BTG3: variants seen among roughly 807,000 people sequenced by gnomAD.
BTG3 encodes the protein protein BTG3.
BTG3 carries 4 observed loss-of-function variants against 25.8 expected under a neutral mutation model. That is an observed-to-expected ratio of 0.16 (90% CI 0.08 to 0.36). The LOEUF (loss-of-function observed/expected upper bound fraction) is 0.36. BTG3 is among the 10% of genes least tolerant of loss of function. The pLI is 1.00. For missense variants in BTG3, 201 were observed against 304.9 expected (o/e 0.66, Z 2.54); for synonymous variants, 107 against 99.9 (o/e 1.07, Z -0.42).
intron 2 of BTG3, 138 bp from the exon 3 acceptor site, chr21:17,605,135 A>G: frequency 1.0e-6 from 1 of 955,966 alleles, no homozygotes; most frequent in South Asian, 1.9e-5. Flanking sequence ...GAGCATATCT[A>G]TCCTAAACAG....
At chr21:17,612,365 A>C (rs2061742236) in intron 1 of BTG3, 1 of 152,240 alleles carries the variant, frequency 6.6e-6, no homozygotes, top group South Asian at 2.1e-4. Flanking sequence ...AAGGGGGTGG[A>C]CAGAGGGTGG....
intron 4 of BTG3, among the ~76,000 whole-genome samples, chr21:17,596,131 C>CAT (rs1356539587): frequency 6.6e-6 from 1 of 151,970 alleles, no homozygotes; most frequent in Admixed American, 6.6e-5. Flanking sequence ...TTCATTGAAT[C>CAT]ATTTACCTTT....
chr21:17,604,454 A>AG (rs1197144393), intron 3 of BTG3, among the ~76,000 whole-genome samples: 1 of 152,188 alleles, frequency 6.6e-6, no homozygotes, highest in Non-Finnish European at 1.5e-5. Context: ...CCAAAAAAAA[A>AG]GAGGAGAGAG....
chr21:17,595,470 C>T (rs1282858775), intron 4 of BTG3, among the ~76,000 whole-genome samples: 1 of 151,654 alleles, frequency 6.6e-6, no homozygotes, highest in East Asian at 1.9e-4. Context: ...TTAAATATAC[C>T]TTTAGAGATA....
chr21:17,604,961 A>G lies in BTG3; in HGVS notation c.210T>C (p.Pro70=). 2 of 1,614,218 alleles carry G rather than the reference A, an allele frequency of 1.2e-6. No homozygotes were observed. Among genetic ancestry groups the G allele is most frequent in the Non-Finnish European group, 1.7e-6 (2 of 1,180,018 alleles). ...TGTTTTCACAGGCTTTCAGGACATC[A>G]GGATCAACTCTCTGAAATTTATTGA... ...IRVNKFQRVD[P]DVLKACENSC... is the part of the protein sequence containing the mutation. Residue 70 remains proline, a synonymous_variant, in exon 3 of 5, where the codon CCT becomes CCC. Coordinates refer to ENST00000348354, the MANE Select transcript of BTG3 (RefSeq NM_006806.5).
Position 17,593,659 on chromosome 21 carries a change from C to G in BTG3, c.*434G>C, listed in dbSNP as rs2061464635. 6.1e-6 allele frequency: 1 copy of G among 162,940 alleles called. No homozygotes were observed. The highest frequency in any genetic ancestry group is 2.4e-5 in the African/African-American group (1 of 41,796). The allele number at this position is 162,940 out of a possible 1,614,324, so 10.1% of individuals were successfully genotyped here. On this transcript the variant is annotated 3_prime_UTR_variant, in exon 5 of 5. Transcript: ENST00000348354. ...ACAACAGAAACACGCGTTGTCATGC[C>G]TCAAACTATTTTTTATTTGCAACTA...
intron 3 of BTG3, among the ~76,000 whole-genome samples, chr21:17,604,647 C>T (rs900962741): frequency 1.3e-5 from 2 of 152,166 alleles, no homozygotes; most frequent in South Asian, 2.1e-4. Flanking sequence ...AGAAAACCCC[C>T]GCCTAATCAG....
In BTG3 at chr21:17,612,862, C is replaced by G. The variant is rs2061755534; in HGVS notation, c.-172G>C. ...CCGCGTCGTCGGGCGGCCAAGCGCG[C>G]GTTGAGAGGACTGGCGGGCGGACGA... is the stretch of plus-strand genomic sequence containing the variant. On this transcript the variant is annotated 5_prime_UTR_variant, in exon 1 of 5. Coordinates refer to ENST00000348354, the MANE Select transcript of BTG3 (RefSeq NM_006806.5). 1 of 152,080 alleles carries G rather than the reference C, an allele frequency of 6.6e-6. No homozygotes were observed. The highest frequency in any genetic ancestry group is 2.4e-5 in the African/African-American group (1 of 41,436). The allele number at this position is 152,080 out of a possible 1,614,324, so 9.4% of individuals were successfully genotyped here.
At chr21:17,606,112 C>G (rs539771472) in intron 2 of BTG3, among the ~76,000 whole-genome samples, 1 of 152,092 alleles carries the variant, frequency 6.6e-6, no homozygotes, top group Non-Finnish European at 1.5e-5. Flanking sequence ...CAATAATAAG[C>G]ATTTTAAAAA....
intron 3 of BTG3, among the ~76,000 whole-genome samples, chr21:17,603,479 TGGAA>T (rs1386865169): frequency 6.6e-6 from 1 of 152,114 alleles, no homozygotes; most frequent in Non-Finnish European, 1.5e-5. Flanking sequence ...CAAAATTTAA[TGGAA>T]GAATAATCAT....
Position 17,604,762 on chromosome 21 carries a change from C to A in BTG3, c.311+98G>T, listed in dbSNP as rs1209666923. 3.6e-6 allele frequency: 5 copies of A among 1,392,420 alleles called. No homozygotes were observed. The African/African-American group carries it at 7.3e-5, about 20-fold the overall frequency. 86.3% of individuals were successfully genotyped at this position (1,392,420 alleles called of 1,614,324 possible). ...TCTGAGAGAGTTAAACCACCAGCTC[C>A]TGGCCATAAAGATACACAGGCAGGC... On this transcript the variant is annotated intron_variant, in intron 3 of 4. Transcript: ENST00000348354.
intron 1 of BTG3, among the ~76,000 whole-genome samples, chr21:17,609,445 G>A (rs1402129223): frequency 6.6e-6 from 1 of 152,172 alleles, no homozygotes; most frequent in East Asian, 1.9e-4. Flanking sequence ...TAAAAGAGAA[G>A]CACTATAATA....
chr21:17,596,603 TATGTGG>T (rs1364847603), intron 4 of BTG3, among the ~76,000 whole-genome samples: 1 of 152,054 alleles, frequency 6.6e-6, no homozygotes, highest in African/African-American at 2.4e-5. Flanking sequence ...TAACTGTATG[TATGTGG>T]GTCTACTTCT....
Position 17,593,952 on chromosome 21 carries a change from T to C in BTG3, c.*141A>G. Reference sequence around the variant, plus strand: ...ATATATTTTTTAAGAAAGATTATTCTCAATAACTTCTATAAAAATAAGTTT... The same window carrying C: ...ATATATTTTTTAAGAAAGATTATTCCCAATAACTTCTATAAAAATAAGTTT... On this transcript the variant is annotated 3_prime_UTR_variant, in exon 5 of 5. Coordinates refer to ENST00000348354, the MANE Select transcript of BTG3 (RefSeq NM_006806.5). 1 of 1,024,922 alleles carries C rather than the reference T, an allele frequency of 9.8e-7. No homozygotes were observed. The highest frequency in any genetic ancestry group is 2.0e-5 in the South Asian group (1 of 50,676). 63.5% of individuals were successfully genotyped at this position (1,024,922 alleles called of 1,614,324 possible).
chr21:17,602,957 G>A (rs1486109878), intron 3 of BTG3, among the ~76,000 whole-genome samples: 1 of 152,186 alleles, frequency 6.6e-6, no homozygotes, highest in Admixed American at 6.5e-5. Context: ...ATTTGATTGT[G>A]TGATAACATA....
chr21:17,597,283 T>C (rs932638185), intron 4 of BTG3, among the ~76,000 whole-genome samples: 2 of 152,040 alleles, frequency 1.3e-5, no homozygotes, highest in Non-Finnish European at 2.9e-5. Flanking sequence ...ACTTACATTC[T>C]TGCTTAACAA....
At chr21:17,597,105 G>A (rs1270597644) in intron 4 of BTG3, among the ~76,000 whole-genome samples, 3 of 151,964 alleles carry the variant, frequency 2.0e-5, no homozygotes, top group Non-Finnish European at 4.4e-5. Context: ...AAGGAGAAAT[G>A]TTTTCCTTAA....
At chr21:17,596,488 T>A (rs1440000637) in intron 4 of BTG3, among the ~76,000 whole-genome samples, 3 of 152,044 alleles carry the variant, frequency 2.0e-5, no homozygotes, top group Non-Finnish European at 4.4e-5. Context: ...TAAGTTAGGT[T>A]CGTTTTTTTT....
intron 3 of BTG3, 92 bp from the exon 4 acceptor site, chr21:17,598,916 A>C: frequency 1.1e-6 from 1 of 936,470 alleles, no homozygotes. Context: ...ACATGCCATC[A>C]ATACAAGGCA....
Sources: allele counts gnomAD v4.1 joint callset (sites outside exome capture counted in the v4.1 genomes callset), GRCh38; gene constraint gnomAD v4.1.1; transcripts MANE v1.5; gene names NCBI Gene and HGNC (gene_info 2026-07-23, HGNC 2026-07-21).